PTPRN2: variants seen among roughly 807,000 people sequenced by gnomAD.
PTPRN2 encodes the protein receptor-type tyrosine-protein phosphatase N2.
Under a neutral mutation model 118.8 loss-of-function variants are expected in PTPRN2, and 74 were observed. That is an observed-to-expected ratio of 0.62 (90% CI 0.52 to 0.76). PTPRN2 has a LOEUF of 0.76. Ranked by LOEUF, PTPRN2 falls within the 30% of genes least tolerant of loss-of-function variation. The pLI is 0.00. For synonymous variants in PTPRN2, 641 were observed against 608.0 expected (o/e 1.05, Z -0.80); for missense variants, 1,481 against 1,394.4 (o/e 1.06, Z -0.99).
At chr7:158,001,255 TG>T (rs1805235904) in intron 11 of PTPRN2, among the ~76,000 whole-genome samples, 1 of 142,966 alleles carries the variant, frequency 7.0e-6, no homozygotes, top group Non-Finnish European at 1.5e-5. Flanking sequence ...GGGTACAGGG[TG>T]GGGCTGAGGT....
At chr7:158,328,812 A>G (rs1803878157) in intron 2 of PTPRN2, among the ~76,000 whole-genome samples, 1 of 136,500 alleles carries the variant, frequency 7.3e-6, no homozygotes. Flanking sequence ...CCCGCCACCC[A>G]GGGATCCCAG....
intron 17 of PTPRN2, among the ~76,000 whole-genome samples, chr7:157,579,756 G>A (rs2075186301): frequency 6.6e-6 from 1 of 152,194 alleles, no homozygotes; most frequent in South Asian, 2.1e-4. Context: ...TCCCAAAGGC[G>A]CTCTGGGGAA....
At chr7:158,473,315 G>A (rs1375518817) in intron 2 of PTPRN2, among the ~76,000 whole-genome samples, 1 of 152,196 alleles carries the variant, frequency 6.6e-6, no homozygotes, top group Non-Finnish European at 1.5e-5. Flanking sequence ...GTAAACATAT[G>A]TGAGAACCCT....
chr7:158,025,176 A>C (rs1037544038), intron 11 of PTPRN2, among the ~76,000 whole-genome samples: 1 of 152,150 alleles, frequency 6.6e-6, no homozygotes, highest in African/African-American at 2.4e-5. Context: ...TCAGAAGAGA[A>C]AGGCATCATT....
At chr7:157,786,971 C>T (rs994601846) in intron 12 of PTPRN2, among the ~76,000 whole-genome samples, 8 of 152,134 alleles carry the variant, frequency 5.3e-5, no homozygotes, top group African/African-American at 1.9e-4. Context: ...GGTCCCATGG[C>T]CTGAGGAAGC....
chr7:158,513,093 C>T lies in PTPRN2; in HGVS notation c.113-23308G>A, dbSNP rs547685154. Reference sequence around the variant, plus strand: ...AGAGTGCAGCAGGGAAAGAGGGAAGCGGGGTGAGGGGGAGAAGCCGCAACC... The same window carrying T: ...AGAGTGCAGCAGGGAAAGAGGGAAGTGGGGTGAGGGGGAGAAGCCGCAACC... On this transcript the variant is annotated intron_variant, in intron 1 of 22. Coordinates refer to ENST00000389418, the MANE Select transcript of PTPRN2 (RefSeq NM_002847.5). 2.1e-3 allele frequency among the ~76,000 whole-genome samples: 321 copies of T among 152,096 alleles called. 1 individual carries two copies. Among genetic ancestry groups the T allele is most frequent in the Non-Finnish European group, 3.8e-3 (257 of 67,984 alleles).
chr7:158,293,566 ACT>A (rs1408317931), intron 3 of PTPRN2, among the ~76,000 whole-genome samples: 3 of 151,428 alleles, frequency 2.0e-5, no homozygotes, highest in African/African-American at 7.3e-5. Flanking sequence ...ACAGAGCAAG[ACT>A]CTGTCTCGAA....
chr7:157,939,572 C>G (rs576273000), intron 11 of PTPRN2, among the ~76,000 whole-genome samples: 1 of 152,244 alleles, frequency 6.6e-6, no homozygotes, highest in African/African-American at 2.4e-5. Flanking sequence ...GCATATGAAC[C>G]TAATTTGCCA....
At chr7:158,325,737 G>A (rs1803451867) in intron 2 of PTPRN2, among the ~76,000 whole-genome samples, 1 of 152,170 alleles carries the variant, frequency 6.6e-6, no homozygotes, top group African/African-American at 2.4e-5. Context: ...CACCGGGCAG[G>A]CAGAACCCCG....
intron 15 of PTPRN2, among the ~76,000 whole-genome samples, chr7:157,612,114 G>A (rs1013796755): frequency 6.6e-6 from 1 of 152,204 alleles, no homozygotes; most frequent in Admixed American, 6.5e-5. Flanking sequence ...ACCTGGGTTT[G>A]GCTTCCCATG....
chr7:157,541,764 G>A (rs1424727386), intron 22 of PTPRN2, among the ~76,000 whole-genome samples: 1 of 152,232 alleles, frequency 6.6e-6, no homozygotes, highest in South Asian at 2.1e-4. Context: ...CAAAAACGAT[G>A]ATTAATTTCC....
intron 2 of PTPRN2, among the ~76,000 whole-genome samples, chr7:158,416,361 C>G (rs1039632984): frequency 6.6e-6 from 1 of 152,192 alleles, no homozygotes; most frequent in African/African-American, 2.4e-5. Flanking sequence ...ACCACACAGT[C>G]CAGATTTCAA....
In PTPRN2 at chr7:158,570,274, C is replaced by A. The variant is rs1827938787; in HGVS notation, c.112+17284G>T. ...CCCTCGGTCCTCGCCCTGAGCAGCG[C>A]GCCGGGGTATAAGGGACGCCCTCAG... On this transcript the variant is annotated intron_variant, in intron 1 of 22. Transcript: ENST00000389418. This position sits in a 1 kb window ranked among gnomAD's most constrained non-coding sequence, Gnocchi z 4.5. Among the ~76,000 whole-genome samples the A allele has an allele frequency of 6.6e-6, 1 of 152,234 alleles. No homozygotes were observed. The highest frequency in any genetic ancestry group is 2.1e-4 in the South Asian group (1 of 4,836).
At chr7:158,071,472 G>GTGGAGGTGCTTGTGGTGA (rs1450002360) in intron 11 of PTPRN2, among the ~76,000 whole-genome samples, 15 of 138,434 alleles carry the variant, frequency 1.1e-4, no homozygotes, top group African/African-American at 4.1e-4. Context: ...GCTCGTGGTG[G>GTGGAGGTGCTTGTGGTGA]TGGAGGTTCT....
chr7:157,777,502 A>G (rs1803404344), intron 12 of PTPRN2, among the ~76,000 whole-genome samples: 1 of 152,020 alleles, frequency 6.6e-6, no homozygotes, highest in Non-Finnish European at 1.5e-5. Context: ...ATGCCGGAGG[A>G]CACGCAGTGC....
At chr7:157,568,800 C>T (rs375157943) in intron 21 of PTPRN2, 102 bp downstream of exon 21, 7 of 1,244,644 alleles carry the variant, frequency 5.6e-6, no homozygotes, top group East Asian at 4.7e-5. Flanking sequence ...CAACAAGCAG[C>T]GAATTTTTTC....
chr7:158,474,382 G>A (rs1364116033), intron 2 of PTPRN2, among the ~76,000 whole-genome samples: 1 of 152,162 alleles, frequency 6.6e-6, no homozygotes, highest in African/African-American at 2.4e-5. Context: ...ACATGCCTCT[G>A]GAAATATGAA....
chr7:158,556,485 G>T lies in PTPRN2; in HGVS notation c.112+31073C>A, dbSNP rs9691080. Among the ~76,000 whole-genome samples, 1,160 of 151,888 alleles carry T rather than the reference G, an allele frequency of 7.6e-3. 19 individuals are homozygous for T. The highest frequency in any genetic ancestry group is 0.026 in the African/African-American group (1,067 of 41,392). ...AGGAGAATCACTTGAACTGGGAGGC[G>T]GAAGTTGCAGTGAGCCGAGACCACA... On this transcript the variant is annotated intron_variant, in intron 1 of 22. Transcript: ENST00000389418.
At chr7:157,998,453 G>C (rs1013206652) in intron 11 of PTPRN2, among the ~76,000 whole-genome samples, 1 of 152,230 alleles carries the variant, frequency 6.6e-6, no homozygotes, top group Admixed American at 6.5e-5. Flanking sequence ...TGCCGTGAGA[G>C]GAGCCCGTGT....
Sources: allele counts gnomAD v4.1 joint callset (sites outside exome capture counted in the v4.1 genomes callset), GRCh38; gene constraint gnomAD v4.1.1; non-coding constraint Gnocchi (gnomAD v3.1); transcripts MANE v1.5; gene names NCBI Gene and HGNC (gene_info 2026-07-23, HGNC 2026-07-21).